RFX4: variants seen among roughly 807,000 people sequenced by gnomAD.
RFX4 encodes regulatory factor X4, also known as transcription factor RFX4.
RFX4 carries 10 observed loss-of-function variants against 95.0 expected under a neutral mutation model. The ratio of observed to expected loss-of-function variants is 0.11; its 90% CI spans 0.06 to 0.18. The LOEUF (loss-of-function observed/expected upper bound fraction) is 0.18, where lower values mean the gene tolerates loss of function less well. Ranked by LOEUF, RFX4 falls within the 10% of genes least tolerant of loss-of-function variation. RFX4 has a pLI of 1.00. For missense variants in RFX4, 640 were observed against 922.0 expected (o/e 0.69, Z 3.96); for synonymous variants, 321 against 340.7 (o/e 0.94, Z 0.64).
intron 1 of RFX4, chr12:106,601,300 T>C (rs756066481): frequency 1.3e-6 from 2 of 1,595,328 alleles, no homozygotes; most frequent in East Asian, 2.3e-5. Flanking sequence ...GAGCCCACCC[T>C]GGTGCGGGAG....
chr12:106,637,679 T>C (rs1480286622), intron 2 of RFX4, among the ~76,000 whole-genome samples: 2 of 152,200 alleles, frequency 1.3e-5, no homozygotes, highest in Non-Finnish European at 2.9e-5. Flanking sequence ...TATTAGGAAT[T>C]GGATAAGAGA....
chr12:106,731,706 CT>C (rs1555235145), intron 13 of RFX4, among the ~76,000 whole-genome samples: 1 of 152,182 alleles, frequency 6.6e-6, no homozygotes, highest in Non-Finnish European at 1.5e-5. Context: ...CATGGACATA[CT>C]TAAAGTCCAA....
intron 1 of RFX4, among the ~76,000 whole-genome samples, chr12:106,584,619 A>T (rs2039426149): frequency 6.6e-6 from 1 of 152,142 alleles, no homozygotes; most frequent in South Asian, 2.1e-4. Context: ...TGGATATGGA[A>T]GTGGGGTGGG....
At position 106,584,572 on chromosome 12, in the gene RFX4, C is replaced by T. The variant is rs550365852; in HGVS notation, c.43+1209C>T. 2.6e-5 allele frequency among the ~76,000 whole-genome samples: 4 copies of T among 152,248 alleles called. No homozygotes were observed. The East Asian group carries it at 5.8e-4, about 22-fold the overall frequency. On this transcript the variant is annotated intron_variant, in intron 1 of 17. Transcript: ENST00000392842. ...TTTCCTTGAGCAAATAAACAAATGC[C>T]GCACGAATGTCTCCCCAACTCCACC...
At chr12:106,680,477 G>A (rs2041483808) in intron 4 of RFX4, among the ~76,000 whole-genome samples, 1 of 152,184 alleles carries the variant, frequency 6.6e-6, no homozygotes, top group Non-Finnish European at 1.5e-5. Context: ...CAGCTAACAA[G>A]GTCACAGTCC....
intron 1 of RFX4, among the ~76,000 whole-genome samples, chr12:106,590,027 A>G (rs1420552065): frequency 1.3e-5 from 2 of 152,282 alleles, no homozygotes; most frequent in African/African-American, 4.8e-5. Flanking sequence ...TCCCTAGAGC[A>G]TAAGTTCTAG....
chr12:106,761,441 G>A lies in RFX4; in HGVS notation c.2180G>A (p.Gly727Glu). The stretch of plus-strand genomic sequence containing the variant: ...TTTCCTGGCTTTGCTTACATCAACG[G>A]AGAGGCCTCTACAGGATGGGCTAAA... ...QHFPGFAYIN[G>E]EASTGWAK is the part of the protein sequence containing the mutation. Residue 727 changes from glycine to glutamate, a missense_variant, in exon 18 of 18, where the codon GGA becomes GAA. Transcript: ENST00000392842. 6.2e-7 allele frequency: 1 copy of A among 1,613,932 alleles called. No homozygotes were observed. Among genetic ancestry groups the A allele is most frequent in the Non-Finnish European group, 8.5e-7 (1 of 1,179,962 alleles).
intron 2 of RFX4, among the ~76,000 whole-genome samples, chr12:106,613,704 T>C (rs1249448286): frequency 3.9e-5 from 6 of 152,136 alleles, no homozygotes; most frequent in Non-Finnish European, 4.4e-5. Context: ...GTAGTTTTCT[T>C]TTCTTGTAGT....
rs536401302 is a variant in RFX4 at position 106,608,774 on chromosome 12, T to G, written c.44-23T>G. 12 of 1,556,288 alleles carry G rather than the reference T, an allele frequency of 7.7e-6. No individual in the cohort carries two copies. The Admixed American group carries it at 2.4e-4, about 32-fold the overall frequency. On this transcript the variant is annotated intron_variant, in intron 1 of 17. Transcript: ENST00000392842. ...TCTTTTTTCTTTTTCTTTTCTTTCT[T>G]TCTTTCTTTTTTTTTTTTTTAGAGA...
Position 106,583,294 on chromosome 12 carries a change from G to A in RFX4, c.-27G>A. ...TCCCCAAACATCAGGACTTTTGGGG[G>A]GCGCCTGTGCTGTCCATGGGAAGAG... On this transcript the variant is annotated 5_prime_UTR_variant, in exon 1 of 18. Transcript: ENST00000392842. The A allele has an allele frequency of 6.4e-7, 1 of 1,563,458 alleles. No homozygotes were observed. The highest frequency in any genetic ancestry group is 8.6e-7 in the Non-Finnish European group (1 of 1,161,954).
intron 17 of RFX4, among the ~76,000 whole-genome samples, chr12:106,759,287 G>A (rs1174227903): frequency 6.6e-6 from 1 of 152,182 alleles, no homozygotes; most frequent in Non-Finnish European, 1.5e-5. Context: ...ACACAGGTAG[G>A]ACAGAGTTCC....
chr12:106,612,939 G>A (rs1345262468), intron 2 of RFX4, among the ~76,000 whole-genome samples: 1 of 151,936 alleles, frequency 6.6e-6, no homozygotes, highest in Non-Finnish European at 1.5e-5. Context: ...AAATTGCTGT[G>A]GCTAGGACGT....
chr12:106,749,148 C>G (rs911769374), intron 16 of RFX4, among the ~76,000 whole-genome samples: 1 of 149,914 alleles, frequency 6.7e-6, no homozygotes, highest in Non-Finnish European at 1.5e-5. Context: ...CCCAGCTACT[C>G]AGGAGACTGA....
At chr12:106,677,822 G>A (rs1362697342) in intron 4 of RFX4, among the ~76,000 whole-genome samples, 2 of 152,126 alleles carry the variant, frequency 1.3e-5, no homozygotes, top group African/African-American at 2.4e-5. Flanking sequence ...GACTAGTGCA[G>A]TAGTGGGGGT....
intron 15 of RFX4, among the ~76,000 whole-genome samples, chr12:106,742,127 A>G (rs1288844239): frequency 6.6e-6 from 1 of 152,178 alleles, no homozygotes; most frequent in African/African-American, 2.4e-5. Flanking sequence ...GAAGCACTCT[A>G]AATTTTCAGA....
In RFX4 at chr12:106,635,991, T is replaced by C. The variant is rs1286733246; in HGVS notation, c.131-3341T>C. Among the ~76,000 whole-genome samples, 3 of 152,308 alleles carry C rather than the reference T, an allele frequency of 2.0e-5. No homozygotes were observed. The East Asian group carries it at 5.8e-4, about 29-fold the overall frequency. ...ACATGTTCATGTCTTTATTGTGCTG[T>C]TCTTTAAGACTGGAGAAGGCACACT... On this transcript the variant is annotated intron_variant, in intron 2 of 17. Transcript: ENST00000392842.
At chr12:106,662,456 C>G (rs1349513109) in intron 4 of RFX4, among the ~76,000 whole-genome samples, 1 of 152,040 alleles carries the variant, frequency 6.6e-6, no homozygotes, top group Non-Finnish European at 1.5e-5. Context: ...ATCTTTTGAG[C>G]AACAATCCTT....
At chr12:106,730,683 A>T (rs1259002655) in intron 13 of RFX4, among the ~76,000 whole-genome samples, 1 of 152,192 alleles carries the variant, frequency 6.6e-6, no homozygotes, top group Non-Finnish European at 1.5e-5. Context: ...AATGACAAAA[A>T]AAATAATGCC....
At chr12:106,701,663 A>G (rs1268993506) in intron 8 of RFX4, among the ~76,000 whole-genome samples, 2 of 152,216 alleles carry the variant, frequency 1.3e-5, no homozygotes, top group South Asian at 2.1e-4. Flanking sequence ...TAATGAGACT[A>G]TTGAAAGCAT....
Sources: gnomAD v4.1 joint callset for allele counts (sites outside exome capture counted in the v4.1 genomes callset) on GRCh38, gnomAD v4.1.1 for gene constraint, MANE v1.5 for transcripts, NCBI Gene and HGNC (gene_info 2026-07-23, HGNC 2026-07-21) for gene names.